Variants in PLCG2 observed in about 807,000 individuals in gnomAD.
PLCG2 encodes the protein 1-phosphatidylinositol 4,5-bisphosphate phosphodiesterase gamma-2.
In PLCG2, 69 loss-of-function variants were observed where a neutral mutation model predicts 175.6. That is an observed-to-expected ratio of 0.39 (90% confidence interval 0.32 to 0.48). The LOEUF is 0.48. Ranked by LOEUF, PLCG2 falls within the 20% of genes least tolerant of loss-of-function variation. PLCG2 has a pLI of 0.91. For synonymous variants in PLCG2, 827 were observed against 624.0 expected (o/e 1.33, Z -4.85); for missense variants, 1,798 against 1,650.9 (o/e 1.09, Z -1.54).
chr16:81,799,251 A>T (rs1911613706), intron 2 of PLCG2, among the ~76,000 whole-genome samples: 1 of 151,944 alleles, frequency 6.6e-6, no homozygotes, highest in Non-Finnish European at 1.5e-5. Context: ...ACCCAGAGAG[A>T]TGGTGTTAAC....
intron 7 of PLCG2, among the ~76,000 whole-genome samples, chr16:81,876,457 C>A (rs2143551293): frequency 6.6e-6 from 1 of 152,252 alleles, no homozygotes; most frequent in South Asian, 2.1e-4. Flanking sequence ...GGGAAAACTC[C>A]ATTCCTTTCC....
At chr16:81,892,147 A>G (rs1227235368) in intron 11 of PLCG2, among the ~76,000 whole-genome samples, 1 of 152,238 alleles carries the variant, frequency 6.6e-6, no homozygotes, top group Non-Finnish European at 1.5e-5. Context: ...GCCCTGGGGC[A>G]GGAACAACTG....
chr16:81,958,334 G>C lies in PLCG2; in HGVS notation c.*336G>C, dbSNP rs575389922. 1 of 282,810 alleles carries C rather than the reference G, an allele frequency of 3.5e-6. No individual in the cohort carries two copies. The highest frequency in any genetic ancestry group is 2.1e-5 in the African/African-American group (1 of 47,026). The allele number at this position is 282,810 out of a possible 1,614,324, so 17.5% of individuals were successfully genotyped here. On this transcript the variant is annotated 3_prime_UTR_variant, in exon 33 of 33. Coordinates refer to ENST00000564138, the MANE Select transcript of PLCG2 (RefSeq NM_002661.5). ...TGTTGCACGACCTGTGCAGTGAACA[G>C]GATTTCTTTTCTGGCCAAGAAGATT... is the stretch of plus-strand genomic sequence containing the variant.
At chr16:81,863,956 G>A (rs1436281762) in intron 5 of PLCG2, among the ~76,000 whole-genome samples, 1 of 152,198 alleles carries the variant, frequency 6.6e-6, no homozygotes, top group African/African-American at 2.4e-5. Flanking sequence ...GAATGTTAGA[G>A]TCACCTGGGG....
intron 26 of PLCG2, among the ~76,000 whole-genome samples, chr16:81,934,920 C>T (rs1052273989): frequency 6.6e-6 from 1 of 152,120 alleles, no homozygotes; most frequent in African/African-American, 2.4e-5. Context: ...AACAACGGTA[C>T]AGGGGAAACC....
intron 2 of PLCG2, among the ~76,000 whole-genome samples, chr16:81,769,466 G>GC (rs1219819552): frequency 4.6e-5 from 7 of 152,204 alleles, no homozygotes; most frequent in Admixed American, 1.3e-4. Flanking sequence ...CTTTTCTAAG[G>GC]CCCCCCAGGA....
At chr16:81,870,795 G>T in intron 6 of PLCG2, 57 bp from the exon 7 acceptor site, 1 of 893,748 alleles carries the variant, frequency 1.1e-6, no homozygotes. Flanking sequence ...AAATAGCATG[G>T]AGCCATTCTT....
chr16:81,753,170 C>T (rs1455313052), intron 1 of PLCG2, among the ~76,000 whole-genome samples: 1 of 152,126 alleles, frequency 6.6e-6, no homozygotes, highest in Non-Finnish European at 1.5e-5. Context: ...CCTGCCTCTC[C>T]CCGCCACCTC....
At chr16:81,862,531 T>C (rs1907033453) in intron 5 of PLCG2, among the ~76,000 whole-genome samples, 2 of 152,202 alleles carry the variant, frequency 1.3e-5, no homozygotes. Context: ...GCAGACTTAC[T>C]TTCCCCACTG....
intron 7 of PLCG2, among the ~76,000 whole-genome samples, chr16:81,871,779 G>A (rs1170215057): frequency 1.3e-5 from 2 of 152,052 alleles, no homozygotes; most frequent in African/African-American, 4.8e-5. Context: ...AAAACATCGG[G>A]GCCTGAGAAT....
At chr16:81,908,339 G>T in intron 16 of PLCG2, 77 bp from the exon 17 acceptor site, 1 of 1,336,230 alleles carries the variant, frequency 7.5e-7, no homozygotes, top group South Asian at 1.3e-5. Flanking sequence ...GGGTCAGGGT[G>T]AGACAGAAGG....
intron 17 of PLCG2, among the ~76,000 whole-genome samples, chr16:81,908,841 T>G (rs1179181604): frequency 6.6e-6 from 1 of 152,226 alleles, no homozygotes; most frequent in Non-Finnish European, 1.5e-5. Context: ...AAGTCTGTGA[T>G]GAACAAAATA....
At chr16:81,758,197 C>G (rs2143081040) in intron 2 of PLCG2, among the ~76,000 whole-genome samples, 1 of 152,262 alleles carries the variant, frequency 6.6e-6, no homozygotes, top group South Asian at 2.1e-4. Context: ...AGGCTGATTT[C>G]AAAGTCCTGG....
At chr16:81,898,930 A>G (rs1293171839) in intron 13 of PLCG2, among the ~76,000 whole-genome samples, 1 of 150,896 alleles carries the variant, frequency 6.6e-6, no homozygotes, top group Non-Finnish European at 1.5e-5. Flanking sequence ...CACGCCTGTA[A>G]TCCCAGCACT....
At chr16:81,833,038 A>G (rs928331461) in intron 2 of PLCG2, among the ~76,000 whole-genome samples, 4 of 152,210 alleles carry the variant, frequency 2.6e-5, no homozygotes, top group African/African-American at 9.7e-5. Context: ...GAAGTCCAGA[A>G]GCGGAAGGCA....
At chr16:81,858,454 G>A in intron 4 of PLCG2, 98 bp downstream of exon 4, 2 of 839,586 alleles carry the variant, frequency 2.4e-6, no homozygotes, top group Non-Finnish European at 4.1e-6. Flanking sequence ...AAAAAAAAGG[G>A]ACATTGGTTT....
At position 81,919,525 on chromosome 16, in the gene PLCG2, G is replaced by T. The variant is rs773857524; in HGVS notation, c.2096G>T (p.Gly699Val). ...AAGCATTGTCGCATCAACCGGGACG[G>T]CCGGCACTTTGTGCTGGGGACCTCC... ...KVKHCRINRD[G>V]RHFVLGTSAY... Residue 699 changes from glycine to valine, a missense_variant, in exon 20 of 33, where the codon GGC (glycine) becomes GTC (valine). Physicochemically the swap from Gly to Val is moderately radical, Grantham distance 109 (BLOSUM62 -3). Transcript: ENST00000564138. 4 of 1,614,134 alleles carry T rather than the reference G, an allele frequency of 2.5e-6. No homozygotes were observed. Among genetic ancestry groups the T allele is most frequent in the Non-Finnish European group, 3.4e-6 (4 of 1,180,020 alleles).
At chr16:81,853,678 C>T (rs1906537299) in intron 2 of PLCG2, among the ~76,000 whole-genome samples, 1 of 152,134 alleles carries the variant, frequency 6.6e-6, no homozygotes, top group African/African-American at 2.4e-5. Context: ...AGTCCATGGC[C>T]TGGGGGTTGG....
intron 27 of PLCG2, among the ~76,000 whole-genome samples, 163 bp downstream of exon 27, chr16:81,936,541 A>G (rs1394676858): frequency 6.6e-6 from 1 of 152,238 alleles, no homozygotes; most frequent in African/African-American, 2.4e-5. Context: ...GAGGTCCAGC[A>G]GCTGAATGGA....
Sources: gnomAD v4.1 joint callset for allele counts (sites outside exome capture counted in the v4.1 genomes callset) on GRCh38, gnomAD v4.1.1 for gene constraint, MANE v1.5 for transcripts, NCBI Gene and HGNC (gene_info 2026-07-23, HGNC 2026-07-21) for gene names.